Variants in SYNPR observed in about 807,000 individuals in gnomAD.
The protein encoded by SYNPR is synaptoporin.
In SYNPR, 23 loss-of-function variants were observed where a neutral mutation model predicts 32.9. That is an observed-to-expected ratio of 0.70 (90% confidence interval 0.50 to 0.99). SYNPR has a LOEUF of 0.99. SYNPR is among the 50% of genes least tolerant of loss of function. SYNPR has a pLI of 0.00. For missense variants in SYNPR, 318 were observed against 349.3 expected, an observed-to-expected ratio of 0.91 and a Z score of 0.71; for synonymous variants, 146 against 135.9, an observed-to-expected ratio of 1.07 and a Z score of -0.52.
intron 2 of SYNPR, among the ~76,000 whole-genome samples, chr3:63,255,323 A>G (rs1454231987): frequency 6.6e-6 from 1 of 152,204 alleles, no homozygotes; most frequent in Non-Finnish European, 1.5e-5. Flanking sequence ...ACTCTGGGAC[A>G]TAATGATTGG....
intron 2 of SYNPR, among the ~76,000 whole-genome samples, chr3:63,390,456 A>G (rs1440001245): frequency 6.6e-6 from 1 of 152,178 alleles, no homozygotes; most frequent in African/African-American, 2.4e-5. Context: ...CTGACCCCTA[A>G]AAGAAGATAG....
At chr3:63,369,938 T>A (rs1162613227) in intron 2 of SYNPR, among the ~76,000 whole-genome samples, 1 of 152,218 alleles carries the variant, frequency 6.6e-6, no homozygotes, top group Non-Finnish European at 1.5e-5. Flanking sequence ...TGGAGCTTCT[T>A]CAGGTTCTCG....
At chr3:63,277,401 G>A (rs544091038), upstream of SYNPR, among the ~76,000 whole-genome samples, 10 of 152,234 alleles carry the variant, frequency 6.6e-5, no homozygotes, top group East Asian at 1.4e-3. Context: ...AGTAAACAAC[G>A]TGAACCACCT....
chr3:63,235,858 A>C (rs755046358), intron 1 of SYNPR, among the ~76,000 whole-genome samples: 5 of 152,062 alleles, frequency 3.3e-5, no homozygotes, highest in Non-Finnish European at 7.4e-5. Flanking sequence ...ACAGATCAAA[A>C]GTTTTTCATT....
chr3:63,579,527 G>T (rs1281296619), intron 4 of SYNPR, among the ~76,000 whole-genome samples: 1 of 151,952 alleles, frequency 6.6e-6, no homozygotes, highest in Non-Finnish European at 1.5e-5. Flanking sequence ...CTTGTTCATT[G>T]TCTGTCCCCT....
intron 3 of SYNPR, among the ~76,000 whole-genome samples, chr3:63,499,622 A>G (rs1380619477): frequency 1.3e-5 from 2 of 152,210 alleles, no homozygotes; most frequent in Non-Finnish European, 2.9e-5. Context: ...TATCAGAGGA[A>G]CAAAGACACC....
At chr3:63,554,689 C>G (rs1702564364) in intron 3 of SYNPR, among the ~76,000 whole-genome samples, 1 of 151,638 alleles carries the variant, frequency 6.6e-6, no homozygotes, top group African/African-American at 2.4e-5. Flanking sequence ...TTTGGCTATT[C>G]AGGCTCTTTT....
intron 3 of SYNPR, among the ~76,000 whole-genome samples, chr3:63,494,638 A>G (rs1197616447): frequency 6.6e-6 from 1 of 151,638 alleles, no homozygotes; most frequent in Non-Finnish European, 1.5e-5. Flanking sequence ...GAAATCACAT[A>G]ACACATATTA....
At chr3:63,405,885 A>T (rs2088353264) in intron 2 of SYNPR, among the ~76,000 whole-genome samples, 1 of 152,224 alleles carries the variant, frequency 6.6e-6, no homozygotes, top group Admixed American at 6.6e-5. Context: ...ATAACTTAGT[A>T]ACAATGGTGC....
chr3:63,236,063 TTTC>T (rs869245163), intron 1 of SYNPR, among the ~76,000 whole-genome samples: 59 of 89,816 alleles, frequency 6.6e-4, no homozygotes, highest in Admixed American at 1.2e-3. Flanking sequence ...TAAGCTGAGG[TTTC>T]TTTTTTTTTT....
chr3:63,393,550 T>G (rs1372182432), intron 2 of SYNPR, among the ~76,000 whole-genome samples: 1 of 142,038 alleles, frequency 7.0e-6, no homozygotes, highest in Non-Finnish European at 1.5e-5. Context: ...ATGGCTGGAG[T>G]GCAGTAATGT....
chr3:63,350,386 G>A (rs1449211858), intron 2 of SYNPR, among the ~76,000 whole-genome samples: 1 of 152,174 alleles, frequency 6.6e-6, no homozygotes, highest in African/African-American at 2.4e-5. Context: ...CTGTGCTGGG[G>A]ATTGAGATCA....
intron 3 of SYNPR, among the ~76,000 whole-genome samples, chr3:63,496,650 C>G (rs888166435): frequency 6.6e-6 from 1 of 152,130 alleles, no homozygotes; most frequent in Non-Finnish European, 1.5e-5. Flanking sequence ...ATATGGAATA[C>G]TACAAATGCA....
At position 63,599,585 on chromosome 3, in the gene SYNPR, C is replaced by G. The variant is rs535287136; in HGVS notation, c.409-9540C>G. On this transcript the variant is annotated intron_variant, in intron 4 of 5. Coordinates refer to ENST00000478300, the MANE Select transcript of SYNPR (RefSeq NM_001130003.2). ...GACCATCTAGATTTGGGTAAGTGCA[C>G]TCTATGATGTTCACACAATGATGAA... 2.0e-5 allele frequency among the ~76,000 whole-genome samples: 3 copies of G among 152,242 alleles called. No individual in the cohort carries two copies. The South Asian group carries it at 6.2e-4, about 32-fold the overall frequency.
chr3:63,302,724 A>G (rs891024541), intron 2 of SYNPR, among the ~76,000 whole-genome samples: 8 of 152,046 alleles, frequency 5.3e-5, no homozygotes, highest in Middle Eastern at 3.2e-3. Context: ...GTTTCTCTAA[A>G]AATAATCTTT....
chr3:63,282,646 G>A (rs1478205431), intron 2 of SYNPR, among the ~76,000 whole-genome samples: 3 of 141,640 alleles, frequency 2.1e-5, no homozygotes, highest in Non-Finnish European at 4.5e-5. Flanking sequence ...TCACTTCACT[G>A]CACTTCATCC....
chr3:63,348,916 A>G (rs1401374482), intron 2 of SYNPR, among the ~76,000 whole-genome samples: 2 of 152,044 alleles, frequency 1.3e-5, no homozygotes, highest in Non-Finnish European at 2.9e-5. Flanking sequence ...TTACTGTAAC[A>G]TTGTAGTATA....
In SYNPR at chr3:63,248,722, T is replaced by G. The variant is rs138014452; in HGVS notation, n.67-3777T>G. Among the ~76,000 whole-genome samples the G allele has an allele frequency of 2.0e-3, 312 of 152,264 alleles. 1 individual carries two copies. Among genetic ancestry groups the G allele is most frequent in the Admixed American group, 3.1e-3 (47 of 15,288 alleles). On this transcript the variant is annotated intron_variant and non_coding_transcript_variant, in intron 1 of 4. Transcript: ENST00000478456. ...AAATAGATGCTCTGCAACATTTGAA[T>G]TGAAACCAAAATCCATTGTGCTAAT...
At chr3:63,485,308 A>G (rs1390921600) in intron 3 of SYNPR, among the ~76,000 whole-genome samples, 1 of 152,140 alleles carries the variant, frequency 6.6e-6, no homozygotes, top group Non-Finnish European at 1.5e-5. Flanking sequence ...CAGGTTTTTC[A>G]GAAGGTAAGA....
Sources: gnomAD v4.1 joint callset for allele counts (sites outside exome capture counted in the v4.1 genomes callset) on GRCh38, gnomAD v4.1.1 for gene constraint, MANE v1.5 for transcripts, NCBI Gene and HGNC (gene_info 2026-07-23, HGNC 2026-07-21) for gene names.